The following ATF7IP variants were observed in gnomAD, a reference collection of about 807,000 sequenced individuals.
The protein encoded by ATF7IP is activating transcription factor 7 interacting protein.
A neutral mutation model predicts 106.4 loss-of-function variants in ATF7IP; 23 were observed. The ratio of observed to expected loss-of-function variants is 0.22; its 90% confidence interval spans 0.16 to 0.31. The LOEUF (loss-of-function observed/expected upper bound fraction) is 0.31, where lower values mean the gene tolerates loss of function less well. Among genes scored for constraint, ATF7IP ranks in the 10% least tolerant of loss-of-function variants. The pLI, the probability that ATF7IP is intolerant of heterozygous loss-of-function variation, is 1.00. For missense variants in ATF7IP, 1,334 were observed against 1,524.3 expected, an observed-to-expected ratio of 0.88 and a Z score of 2.08; for synonymous variants, 542 against 539.0, an observed-to-expected ratio of 1.01 and a Z score of -0.08.
In ATF7IP at chr12:14,415,060, C is replaced by A. The variant is rs193257042; in HGVS notation, c.-7-8849C>A. Among the ~76,000 whole-genome samples, 119 of 152,176 alleles carry A rather than the reference C, an allele frequency of 7.8e-4. 1 individual carries two copies. In the East Asian group the frequency reaches 0.015, roughly 20 times the overall value. On this transcript the variant is annotated intron_variant, in intron 1 of 14. Coordinates refer to ENST00000261168, the MANE Select transcript of ATF7IP (RefSeq NM_018179.5). ...CTGAGATTACAAGTATGTGCCACTG[C>A]GCCCAGCTCTGGACAAATGATTTCT... is the stretch of plus-strand genomic sequence containing the variant.
At chr12:14,489,991 G>A (rs567778908) in intron 13 of ATF7IP, among the ~76,000 whole-genome samples, 1 of 152,296 alleles carries the variant, frequency 6.6e-6, no homozygotes, top group Admixed American at 6.5e-5. Context: ...CTGCCACCAG[G>A]TAGCTAGCTG....
intron 6 of ATF7IP, among the ~76,000 whole-genome samples, chr12:14,454,552 G>A (rs1449332288): frequency 1.3e-5 from 2 of 152,326 alleles, no homozygotes; most frequent in East Asian, 1.9e-4. Context: ...GTGTTGGGAG[G>A]TTGATGGGGT....
At chr12:14,402,325 G>T (rs1940284135) in intron 1 of ATF7IP, among the ~76,000 whole-genome samples, 1 of 151,378 alleles carries the variant, frequency 6.6e-6, no homozygotes, top group African/African-American at 2.4e-5. Context: ...ATGGGGTCTC[G>T]CTGTGTTGCC....
chr12:14,455,095 T>C (rs1253227345), intron 6 of ATF7IP, among the ~76,000 whole-genome samples: 1 of 151,808 alleles, frequency 6.6e-6, no homozygotes, highest in East Asian at 1.9e-4. Flanking sequence ...GGAGAATCGC[T>C]TGAGCCTGGG....
chr12:14,456,428 G>T, intron 6 of ATF7IP, 133 bp from the exon 7 acceptor site: 1 of 589,786 alleles, frequency 1.7e-6, no homozygotes, highest in Non-Finnish European at 3.0e-6. Flanking sequence ...TATTGTCTCA[G>T]CTGGCAATGT....
chr12:14,406,592 TAAA>T (rs536916065), intron 1 of ATF7IP, among the ~76,000 whole-genome samples: 3 of 141,738 alleles, frequency 2.1e-5, no homozygotes, highest in Non-Finnish European at 3.1e-5. Flanking sequence ...ATGTAACATT[TAAA>T]AAAAAAAAAA....
chr12:14,402,127 C>CTTTTTTTTTTTTTTTTTTTTTTTT, intron 1 of ATF7IP, among the ~76,000 whole-genome samples: 1 of 101,854 alleles, frequency 9.8e-6, no homozygotes, highest in Non-Finnish European at 1.9e-5. Context: ...TTTCTTCTTT[C>CTTTTTTTTTTTTTTTTTTTTTTTT]TTTTTTTTTT....
intron 1 of ATF7IP, among the ~76,000 whole-genome samples, chr12:14,384,277 A>G (rs1156334467): frequency 6.6e-6 from 1 of 152,164 alleles, no homozygotes; most frequent in Non-Finnish European, 1.5e-5. Context: ...GGAAGAGAGA[A>G]AGAAAATGTG....
intron 2 of ATF7IP, among the ~76,000 whole-genome samples, chr12:14,430,452 A>G (rs1006727692): frequency 1.3e-5 from 2 of 152,238 alleles, no homozygotes; most frequent in East Asian, 1.9e-4. Flanking sequence ...TAAAGAGAGC[A>G]CAAAAATTCA....
At chr12:14,420,295 T>G (rs1194795703) in intron 1 of ATF7IP, 1 of 152,046 alleles carries the variant, frequency 6.6e-6, no homozygotes, top group Non-Finnish European at 1.5e-5. Flanking sequence ...AAATTTTATC[T>G]ATATAGGGAG....
chr12:14,434,401 T>A lies in ATF7IP; in HGVS notation c.1623T>A (p.Asp541Glu). The change falls in exon 3 of 15, where the codon GAT becomes GAA. Residue 541 changes from aspartate (D) to glutamate (E), a missense_variant. Physicochemically the swap from Asp to Glu is conservative, Grantham distance 45. Transcript: ENST00000261168. ...PEEEEQVIHEDDERPSEKNEF... is the reference protein window; with the variant it reads ...PEEEEQVIHEEDERPSEKNEF... Reference sequence around the variant, plus strand: ...AAGAAGAGCAAGTAATACATGAAGATGATGAAAGACCTTCTGAGAAAAGTA... The same window carrying A: ...AAGAAGAGCAAGTAATACATGAAGAAGATGAAAGACCTTCTGAGAAAAGTA... The A allele has an allele frequency of 6.3e-7, 1 of 1,586,164 alleles. No homozygotes were observed. The highest frequency in any genetic ancestry group is 8.6e-7 in the Non-Finnish European group (1 of 1,157,472).
chr12:14,377,387 G>C (rs571215738), intron 1 of ATF7IP, among the ~76,000 whole-genome samples: 2 of 139,642 alleles, frequency 1.4e-5, no homozygotes, highest in East Asian at 4.1e-4. Flanking sequence ...ACGTTGTCTT[G>C]CTGTGTCGCC....
At chr12:14,401,354 G>A (rs1486208228) in intron 1 of ATF7IP, among the ~76,000 whole-genome samples, 3 of 151,828 alleles carry the variant, frequency 2.0e-5, no homozygotes, top group Admixed American at 6.6e-5. Flanking sequence ...CTGCCACCAC[G>A]CCCGGCTAAT....
At chr12:14,393,322 A>G (rs985640024) in intron 1 of ATF7IP, among the ~76,000 whole-genome samples, 1 of 151,978 alleles carries the variant, frequency 6.6e-6, no homozygotes, top group Non-Finnish European at 1.5e-5. Context: ...TTTTTTCTCA[A>G]CTCATATTTT....
intron 1 of ATF7IP, among the ~76,000 whole-genome samples, chr12:14,385,669 G>A (rs1298535522): frequency 6.6e-6 from 1 of 151,952 alleles, no homozygotes; most frequent in African/African-American, 2.4e-5. Flanking sequence ...CCTAATTAAT[G>A]TAATATTCCT....
In ATF7IP at chr12:14,438,121, T is replaced by G; in HGVS notation, c.1792-9T>G. 1 of 1,606,418 alleles carries G rather than the reference T, an allele frequency of 6.2e-7. No individual in the cohort carries two copies. On this transcript the variant is annotated splice_polypyrimidine_tract_variant and intron_variant, in intron 4 of 14. Transcript: ENST00000261168. ...TCTTGGCATAATGAAGGAATATTTGTTTCTTTAGGTTATACAGTGGTTGCT... is the reference window on the plus strand; with the variant it reads ...TCTTGGCATAATGAAGGAATATTTGGTTCTTTAGGTTATACAGTGGTTGCT...
chr12:14,373,301 GAC>G (rs1458547958), intron 1 of ATF7IP, among the ~76,000 whole-genome samples: 2 of 124,256 alleles, frequency 1.6e-5, no homozygotes, highest in African/African-American at 5.3e-5. Flanking sequence ...GTTTAAAGAT[GAC>G]ACATGTTTTT....
intron 1 of ATF7IP, among the ~76,000 whole-genome samples, chr12:14,377,921 C>T (rs1360554107): frequency 1.3e-5 from 2 of 151,956 alleles, no homozygotes; most frequent in Non-Finnish European, 2.9e-5. Context: ...AGCCACCGTG[C>T]CTGGTCTGAC....
rs775425772 is a variant in ATF7IP at position 14,424,318 on chromosome 12, G to A, written c.403G>A (p.Ala135Thr). The change falls in exon 2 of 15, where the codon GCC becomes ACC. Residue 135 changes from alanine to threonine, a missense_variant. Transcript: ENST00000261168. ...LPAEPVSGDP[A>T]PGDLDAGDPA... is the part of the protein sequence containing the mutation. Reference sequence around the variant, plus strand: ...TGCTGAACCAGTTTCTGGTGATCCAGCCCCTGGTGATCTGGATGCCGGAGA... The same window carrying A: ...TGCTGAACCAGTTTCTGGTGATCCAACCCCTGGTGATCTGGATGCCGGAGA... The A allele has an allele frequency of 1.9e-6, 3 of 1,614,056 alleles. No individual in the cohort carries two copies. Among genetic ancestry groups the A allele is most frequent in the Non-Finnish European group, 2.5e-6 (3 of 1,180,030 alleles).
Sources: gnomAD v4.1 joint callset for allele counts (sites outside exome capture counted in the v4.1 genomes callset) on GRCh38, gnomAD v4.1.1 for gene constraint, MANE v1.5 for transcripts, NCBI Gene and HGNC (gene_info 2026-07-23, HGNC 2026-07-21) for gene names.